The following SNTG1 variants were observed in gnomAD, a reference collection of about 807,000 sequenced individuals.
SNTG1 encodes syntrophin gamma 1, also known as gamma-1-syntrophin.
A neutral mutation model predicts 74.7 loss-of-function variants in SNTG1; 39 were observed. The observed-to-expected ratio is 0.52, with a 90% CI of 0.40 to 0.68. The LOEUF (loss-of-function observed/expected upper bound fraction) is 0.68. Among genes scored for constraint, SNTG1 ranks in the 30% least tolerant of loss-of-function variants. SNTG1 has a pLI of 0.00. For synonymous variants in SNTG1, 254 were observed against 217.1 expected (o/e 1.17, Z -1.49); for missense variants, 685 against 609.5 (o/e 1.12, Z -1.30).
intron 8 of SNTG1, among the ~76,000 whole-genome samples, chr8:50,495,781 G>A (rs879481993): frequency 1.3e-5 from 2 of 152,114 alleles, no homozygotes; most frequent in East Asian, 1.9e-4. Flanking sequence ...ATACCTGCAG[G>A]AAACCACAGA....
intron 13 of SNTG1, among the ~76,000 whole-genome samples, chr8:50,643,062 A>C (rs76446753): frequency 6.6e-6 from 1 of 151,914 alleles, no homozygotes; most frequent in South Asian, 2.1e-4. Flanking sequence ...TGGCAAAAAA[A>C]CAAACAACCT....
At chr8:50,044,057 TA>T (rs1018060681) in intron 1 of SNTG1, among the ~76,000 whole-genome samples, 9 of 152,070 alleles carry the variant, frequency 5.9e-5, no homozygotes, top group South Asian at 2.1e-4. Flanking sequence ...TATGTAATAC[TA>T]AAAAAAATTT....
At chr8:50,790,444 C>G (rs1195191926) in intron 18 of SNTG1, among the ~76,000 whole-genome samples, 2 of 151,644 alleles carry the variant, frequency 1.3e-5, no homozygotes. Context: ...AAGTCTGTGA[C>G]TTGGTGGAAG....
chr8:50,675,018 T>C (rs749216047), intron 15 of SNTG1, among the ~76,000 whole-genome samples: 4 of 152,134 alleles, frequency 2.6e-5, no homozygotes, highest in Non-Finnish European at 5.9e-5. Flanking sequence ...TATTGCAGTA[T>C]GGTCTAAGAG....
At chr8:50,217,553 C>T (rs780850501) in intron 2 of SNTG1, among the ~76,000 whole-genome samples, 1 of 151,954 alleles carries the variant, frequency 6.6e-6, no homozygotes, top group Non-Finnish European at 1.5e-5. Flanking sequence ...AGAAAAAAGT[C>T]GAGTGGGTGC....
chr8:50,007,521 T>C (rs186750008), intron 1 of SNTG1, among the ~76,000 whole-genome samples: 1 of 152,216 alleles, frequency 6.6e-6, no homozygotes, highest in East Asian at 1.9e-4. Context: ...TAGCAAGATT[T>C]AGGGATTCAA....
intron 18 of SNTG1, among the ~76,000 whole-genome samples, chr8:50,777,233 A>G (rs1013809104): frequency 6.8e-6 from 1 of 147,366 alleles, no homozygotes; most frequent in African/African-American, 2.5e-5. Flanking sequence ...ATATATATAT[A>G]TAATAATATA....
At chr8:50,236,610 C>G (rs2085915260) in intron 2 of SNTG1, among the ~76,000 whole-genome samples, 1 of 152,042 alleles carries the variant, frequency 6.6e-6, no homozygotes, top group Non-Finnish European at 1.5e-5. Flanking sequence ...GCCACTGCGC[C>G]CGGCTAATTT....
chr8:49,922,160 C>T (rs541686755), intron 1 of SNTG1, among the ~76,000 whole-genome samples: 1 of 152,182 alleles, frequency 6.6e-6, no homozygotes, highest in South Asian at 2.1e-4. Flanking sequence ...GATAAACTGG[C>T]CCTGTCTGTT....
chr8:50,768,549 A>G (rs1036655150), intron 18 of SNTG1, among the ~76,000 whole-genome samples: 1 of 151,988 alleles, frequency 6.6e-6, no homozygotes, highest in Non-Finnish European at 1.5e-5. Flanking sequence ...CTGGGTAGGT[A>G]TTTGGGATCA....
At chr8:50,482,711 A>C (rs1026610100) in intron 8 of SNTG1, among the ~76,000 whole-genome samples, 4 of 152,216 alleles carry the variant, frequency 2.6e-5, no homozygotes, top group Non-Finnish European at 5.9e-5. Context: ...GATTCTAGGC[A>C]AGTGGCCTCT....
intron 1 of SNTG1, chr8:49,914,825 C>T (rs1798097141): frequency 6.6e-6 from 1 of 152,140 alleles, no homozygotes; most frequent in African/African-American, 2.4e-5. Context: ...TGTTAAGCAA[C>T]ACAAAAGCCA....
intron 2 of SNTG1, among the ~76,000 whole-genome samples, chr8:50,373,546 C>T (rs192659176): frequency 4.3e-4 from 66 of 152,210 alleles, no homozygotes; most frequent in Non-Finnish European, 9.1e-4. Context: ...ACAATATGTG[C>T]CTCAGTTTCC....
In SNTG1 at chr8:50,504,776, T is replaced by C. The variant is rs951912431; in HGVS notation, c.466+1896T>C. Among the ~76,000 whole-genome samples, 26 of 152,072 alleles carry C rather than the reference T, an allele frequency of 1.7e-4. 1 individual carries two copies. The highest frequency in any genetic ancestry group is 1.5e-3 in the Admixed American group (23 of 15,264). The stretch of plus-strand genomic sequence containing the variant: ...AGTAAGACCCCATCTCAAAAATAAA[T>C]AAATAATTAATTAAAATAAATAAAT... On this transcript the variant is annotated intron_variant, in intron 9 of 18. Transcript: ENST00000642720.
intron 2 of SNTG1, among the ~76,000 whole-genome samples, chr8:50,177,768 G>A (rs74765311): frequency 0.048 from 7,285 of 152,246 alleles, 204 homozygotes; most frequent in Middle Eastern, 0.092. Flanking sequence ...GCTTTGTGTT[G>A]CAGTGTTCTA....
At chr8:50,214,165 A>C (rs969318194) in intron 2 of SNTG1, among the ~76,000 whole-genome samples, 2 of 149,438 alleles carry the variant, frequency 1.3e-5, no homozygotes, top group South Asian at 4.3e-4. Context: ...AGAACAAAAA[A>C]CCAAACACCG....
intron 12 of SNTG1, among the ~76,000 whole-genome samples, chr8:50,577,448 G>GT (rs79021190): frequency 0.022 from 2,993 of 137,510 alleles, 38 homozygotes; most frequent in South Asian, 0.071. Context: ...TTGGTCCATA[G>GT]TTTTTTTTTT....
intron 2 of SNTG1, among the ~76,000 whole-genome samples, chr8:50,369,456 G>T (rs1023573954): frequency 6.6e-6 from 1 of 151,902 alleles, no homozygotes; most frequent in African/African-American, 2.4e-5. Context: ...ATTAGCCAGG[G>T]GTGGTAGTGC....
At chr8:50,021,944 A>T (rs1229313239) in intron 1 of SNTG1, among the ~76,000 whole-genome samples, 1 of 146,402 alleles carries the variant, frequency 6.8e-6, no homozygotes. Context: ...CTCTCAAAAA[A>T]AAAATAAAAA....
Sources: allele counts gnomAD v4.1 joint callset (sites outside exome capture counted in the v4.1 genomes callset), GRCh38; gene constraint gnomAD v4.1.1; transcripts MANE v1.5; gene names NCBI Gene and HGNC (gene_info 2026-07-23, HGNC 2026-07-21).